Variants in SMG6 observed in about 807,000 individuals in gnomAD.
SMG6 encodes SMG6 nonsense mediated mRNA decay factor, also known as telomerase-binding protein EST1A.
A neutral mutation model predicts 142.2 loss-of-function variants in SMG6; 66 were observed. The ratio of observed to expected loss-of-function variants is 0.46; its 90% CI spans 0.38 to 0.57. The LOEUF is 0.57. SMG6 is among the 20% of genes least tolerant of loss of function. SMG6 has a pLI of 0.00. For synonymous variants in SMG6, 779 were observed against 702.4 expected, an observed-to-expected ratio of 1.11 and a Z score of -1.72; for missense variants, 1,793 against 1,832.0, an observed-to-expected ratio of 0.98 and a Z score of 0.39.
chr17:2,212,714 C>G (rs1255997590), intron 10 of SMG6: 1 of 152,262 alleles, frequency 6.6e-6, no homozygotes. Flanking sequence ...CAAACTAACT[C>G]CAGGTTCTGA....
At chr17:2,270,124 T>C (rs969978866) in intron 8 of SMG6, among the ~76,000 whole-genome samples, 3 of 151,958 alleles carry the variant, frequency 2.0e-5, no homozygotes, top group South Asian at 4.2e-4. Context: ...GACAAAATTA[T>C]GAAGGCTATC....
At chr17:2,266,150 A>C (rs1022338112) in intron 8 of SMG6, 1 of 985,270 alleles carries the variant, frequency 1.0e-6, no homozygotes, top group Non-Finnish European at 1.2e-6. Context: ...CATCTTCTAA[A>C]ATGTCTAAAC....
chr17:2,175,655 G>A (rs547861115), intron 12 of SMG6, among the ~76,000 whole-genome samples: 1 of 152,258 alleles, frequency 6.6e-6, no homozygotes, highest in African/African-American at 2.4e-5. Context: ...TAAGGTGGAC[G>A]AGAATCCCTA....
chr17:2,211,215 G>GA (rs1287491776), intron 10 of SMG6, among the ~76,000 whole-genome samples: 1 of 151,502 alleles, frequency 6.6e-6, no homozygotes, highest in African/African-American at 2.4e-5. Flanking sequence ...TAAAAAATAA[G>GA]AAAAAATACA....
At chr17:2,180,112 A>T (rs1359333731) in intron 12 of SMG6, among the ~76,000 whole-genome samples, 1 of 152,172 alleles carries the variant, frequency 6.6e-6, no homozygotes. Context: ...CAGGTCCATG[A>T]AGCCTGTCGC....
intron 10 of SMG6, among the ~76,000 whole-genome samples, chr17:2,226,889 G>C (rs2073336563): frequency 6.6e-6 from 1 of 152,170 alleles, no homozygotes; most frequent in African/African-American, 2.4e-5. Flanking sequence ...TGACGGCAGA[G>C]TGAGACTCCA....
chr17:2,213,042 G>C (rs559032221), intron 10 of SMG6, among the ~76,000 whole-genome samples: 1 of 152,314 alleles, frequency 6.6e-6, no homozygotes, highest in African/African-American at 2.4e-5. Flanking sequence ...CCTAAACTGG[G>C]ATACTTCCGA....
intron 13 of SMG6, among the ~76,000 whole-genome samples, chr17:2,086,268 T>C (rs1425327972): frequency 6.6e-6 from 1 of 152,098 alleles, no homozygotes; most frequent in Non-Finnish European, 1.5e-5. Flanking sequence ...GTGGAGTGCT[T>C]TCACAGCATA....
intron 8 of SMG6, among the ~76,000 whole-genome samples, chr17:2,279,759 C>T (rs1350480538): frequency 6.6e-6 from 1 of 152,192 alleles, no homozygotes; most frequent in Non-Finnish European, 1.5e-5. Flanking sequence ...CAGTCGCTCA[C>T]AGGAGAACTT....
intron 2 of SMG6, 38 bp from the exon 3 acceptor site, chr17:2,298,093 A>T: frequency 6.5e-7 from 1 of 1,549,816 alleles, no homozygotes; most frequent in Non-Finnish European, 8.7e-7. Flanking sequence ...CTCCAAATAC[A>T]CCACAGAAAA....
intron 10 of SMG6, among the ~76,000 whole-genome samples, chr17:2,204,834 G>A (rs12601917): frequency 0.022 from 3,395 of 152,164 alleles, 46 homozygotes; most frequent in East Asian, 0.052. Context: ...GTAGTGGCAC[G>A]TGCCTATAAC....
chr17:2,121,583 CTGTCTGTG>C (rs1397371137), intron 13 of SMG6, among the ~76,000 whole-genome samples: 51 of 118,294 alleles, frequency 4.3e-4, no homozygotes, highest in East Asian at 2.2e-3. Flanking sequence ...ATGTACATGT[CTGTCTGTG>C]TGTGTGTGTG....
chr17:2,127,672 T>C, intron 13 of SMG6: 1 of 569,224 alleles, frequency 1.8e-6, no homozygotes, highest in South Asian at 1.4e-5. Flanking sequence ...TCTGCTCTTT[T>C]CTAGGTTGAA....
chr17:2,238,440 G>A (rs2073721710), intron 9 of SMG6, among the ~76,000 whole-genome samples: 1 of 152,068 alleles, frequency 6.6e-6, no homozygotes, highest in Non-Finnish European at 1.5e-5. Flanking sequence ...GTTTGGGGCT[G>A]GACTAGATCC....
chr17:2,292,436 A>G, intron 6 of SMG6, 116 bp downstream of exon 6: 1 of 1,001,824 alleles, frequency 1.0e-6, no homozygotes, highest in East Asian at 2.4e-5. Flanking sequence ...TTGAGGGGAT[A>G]TTCTTTGGGC....
chr17:2,300,018 G>A lies in SMG6; in HGVS notation c.735C>T (p.Ser245=), dbSNP rs771745498. Residue 245 remains serine, a synonymous_variant, in exon 2 of 19, where the codon TCC becomes TCT. Coordinates refer to ENST00000263073, the MANE Select transcript of SMG6 (RefSeq NM_017575.5). ...RGRPGSAKRY[S]RSDKRRNRYR... is the part of the protein sequence containing the mutation. ...AGCGATTCCTTCGTTTGTCTGAGCGGGAGTAGCGCTTTGCGGAGCCCGGCC... is the reference window on the plus strand; with the variant it reads ...AGCGATTCCTTCGTTTGTCTGAGCGAGAGTAGCGCTTTGCGGAGCCCGGCC... 6.2e-7 allele frequency: 1 copy of A among 1,614,172 alleles called. No homozygotes were observed. The highest frequency in any genetic ancestry group is 1.7e-5 in the Admixed American group (1 of 60,028).
At chr17:2,132,344 C>A (rs905879598) in intron 13 of SMG6, among the ~76,000 whole-genome samples, 1 of 152,090 alleles carries the variant, frequency 6.6e-6, no homozygotes, top group Non-Finnish European at 1.5e-5. Flanking sequence ...TGAATGAACG[C>A]GAGAAGTCAA....
intron 8 of SMG6, among the ~76,000 whole-genome samples, chr17:2,253,820 G>A (rs566533858): frequency 6.6e-6 from 1 of 152,012 alleles, no homozygotes; most frequent in Admixed American, 6.6e-5. Flanking sequence ...TCCTGCTCTC[G>A]GACAGTCACA....
chr17:2,292,633 A>G lies in SMG6; in HGVS notation c.2259-3T>C. ...TGTGCTGGGCCTTCAGGTACCAACT[A>G]GAACAGAAAAAACAGTAAGAAAATG... On this transcript the variant is annotated splice_polypyrimidine_tract_variant and splice_region_variant and intron_variant, in intron 5 of 18. Transcript: ENST00000263073. 6.4e-7 allele frequency: 1 copy of G among 1,559,956 alleles called. No homozygotes were observed. Among genetic ancestry groups the G allele is most frequent in the Non-Finnish European group, 8.7e-7 (1 of 1,151,296 alleles).
Sources: gnomAD v4.1 joint callset for allele counts (sites outside exome capture counted in the v4.1 genomes callset) on GRCh38, gnomAD v4.1.1 for gene constraint, MANE v1.5 for transcripts, NCBI Gene and HGNC (gene_info 2026-07-23, HGNC 2026-07-21) for gene names.